SMOC2: variants seen among roughly 807,000 people sequenced by gnomAD.
The protein encoded by SMOC2 is SPARC related modular calcium binding 2.
Under a neutral mutation model 61.4 loss-of-function variants are expected in SMOC2, and 39 were observed. The ratio of observed to expected loss-of-function variants is 0.64; its 90% CI spans 0.49 to 0.83. The LOEUF (loss-of-function observed/expected upper bound fraction) is 0.83, where lower values mean the gene tolerates loss of function less well. Among genes scored for constraint, SMOC2 ranks in the 40% least tolerant of loss-of-function variants. The pLI is 0.00. For synonymous variants in SMOC2, 247 were observed against 239.9 expected, an observed-to-expected ratio of 1.03 and a Z score of -0.27; for missense variants, 556 against 592.9, an observed-to-expected ratio of 0.94 and a Z score of 0.65.
intron 9 of SMOC2, among the ~76,000 whole-genome samples, chr6:168,613,985 C>T (rs1210378899): frequency 1.3e-5 from 1 of 74,344 alleles, no homozygotes; most frequent in Non-Finnish European, 2.7e-5. Context: ...CTCTTCACAC[C>T]TACAGCCAGC....
At chr6:168,654,228 A>T (rs866210328) in intron 11 of SMOC2, among the ~76,000 whole-genome samples, 146 of 15,090 alleles carry the variant, frequency 9.7e-3, no homozygotes, top group Non-Finnish European at 0.024. Flanking sequence ...CCAACCCTGC[A>T]CCTGAGCTCC....
intron 2 of SMOC2, among the ~76,000 whole-genome samples, chr6:168,523,966 GA>G (rs1279553964): frequency 6.6e-6 from 1 of 152,176 alleles, no homozygotes; most frequent in East Asian, 1.9e-4. Flanking sequence ...TGGAAAGTTG[GA>G]AATAGTATAA....
intron 7 of SMOC2, among the ~76,000 whole-genome samples, chr6:168,581,768 G>A (rs1784924581): frequency 6.6e-6 from 1 of 152,162 alleles, no homozygotes; most frequent in Admixed American, 6.5e-5. Context: ...AGACCTGCCT[G>A]GGACCCCGCT....
intron 1 of SMOC2, among the ~76,000 whole-genome samples, chr6:168,473,859 G>A (rs1242755061): frequency 1.3e-5 from 2 of 152,138 alleles, no homozygotes; most frequent in African/African-American, 2.4e-5. Context: ...AAGGAGGGCA[G>A]GGGGCTGCTG....
At chr6:168,656,507 T>TAAAAAAAAAAAAAAAAAAA (rs5881805) in intron 11 of SMOC2, among the ~76,000 whole-genome samples, 1 of 86,810 alleles carries the variant, frequency 1.2e-5, no homozygotes, top group Non-Finnish European at 2.2e-5. Flanking sequence ...GACTTTGTGT[T>TAAAAAAAAAAAAAAAAAAA]AAAAAAAAAA....
At position 168,630,877 on chromosome 6, in the gene SMOC2, C is replaced by T. The variant is rs1404484363; in HGVS notation, c.908-19804C>T. 2.0e-5 allele frequency among the ~76,000 whole-genome samples: 3 copies of T among 152,160 alleles called. No homozygotes were observed. In the East Asian group the frequency reaches 5.8e-4, roughly 29 times the overall value. On this transcript the variant is annotated intron_variant, in intron 9 of 12. Transcript: ENST00000356284. ...CCAGGCTTATTAGGAAGAGGAAATT[C>T]CCACCTAATAAATTTTGATCAGACG... is the stretch of plus-strand genomic sequence containing the variant.
intron 7 of SMOC2, among the ~76,000 whole-genome samples, chr6:168,588,673 C>T (rs1420260334): frequency 2.0e-5 from 3 of 152,142 alleles, no homozygotes; most frequent in Non-Finnish European, 2.9e-5. Context: ...GAGACTTAAC[C>T]GTATTTATTC....
rs1787682156 is a variant in SMOC2 at position 168,667,182 on chromosome 6, GTCAC to G, written c.*745_*748del. On this transcript the variant is annotated 3_prime_UTR_variant, in exon 13 of 13. Coordinates refer to ENST00000356284, the MANE Select transcript of SMOC2 (RefSeq NM_001166412.2). ...GGCTGCCTAGGAGGCAGTAAATCCA[GTCAC>G]AGTGCCTGGGAGGGGCCCATCCTTC... The G allele has an allele frequency of 6.6e-6, 1 of 152,222 alleles. No individual in the cohort carries two copies. Among genetic ancestry groups the G allele is most frequent in the Admixed American group, 6.5e-5 (1 of 15,282 alleles). 9.4% of individuals were successfully genotyped at this position (152,222 alleles called of 1,614,324 possible).
Position 168,461,220 on chromosome 6 carries a change from C to T in SMOC2, c.84+19766C>T, listed in dbSNP as rs115775907. ...TTTAAATCCATCAGATCTTGTGAGA[C>T]GTATTCACTATCACCAGAACAGCAT... On this transcript the variant is annotated intron_variant, in intron 1 of 12. Coordinates refer to ENST00000356284, the MANE Select transcript of SMOC2 (RefSeq NM_001166412.2). 5.1e-3 allele frequency among the ~76,000 whole-genome samples: 771 copies of T among 152,248 alleles called. 9 individuals carry two copies. The highest frequency in any genetic ancestry group is 0.017 in the African/African-American group (713 of 41,542).
intron 7 of SMOC2, among the ~76,000 whole-genome samples, chr6:168,592,230 C>A (rs1048555254): frequency 6.6e-6 from 1 of 152,232 alleles, no homozygotes; most frequent in African/African-American, 2.4e-5. Context: ...ACTCAGTTCT[C>A]TTTTTCCTGC....
Position 168,553,985 on chromosome 6 carries a change from G to C in SMOC2, c.637+4782G>C, listed in dbSNP as rs1784187722. On this transcript the variant is annotated intron_variant, in intron 7 of 12. Coordinates refer to ENST00000356284, the MANE Select transcript of SMOC2 (RefSeq NM_001166412.2). The surrounding 1 kb of genome is among the most constrained non-coding windows in gnomAD (Gnocchi z 4.2). ...AGCGTTTTTCACGTTTTGGTAGGAA[G>C]ATTATTCCATGGGACGAGTCGGTTA... Among the ~76,000 whole-genome samples, 1 of 150,478 alleles carries C rather than the reference G, an allele frequency of 6.6e-6. No individual in the cohort carries two copies. The highest frequency in any genetic ancestry group is 1.5e-5 in the Non-Finnish European group (1 of 67,960).
At chr6:168,600,394 C>A (rs1372125133) in intron 8 of SMOC2, among the ~76,000 whole-genome samples, 5 of 111,024 alleles carry the variant, frequency 4.5e-5, no homozygotes, top group Non-Finnish European at 6.8e-5. Flanking sequence ...GTGACAAGAG[C>A]GAAACTCTGC....
rs1583042908 is a variant in SMOC2, at chr6:168,475,727, G to A, written c.85-34188G>A. ...CTGGTGTGGGTCGAGGACACTGCTC[G>A]GCGTTAGAAGAAGAAGTAGTGAAGG... On this transcript the variant is annotated intron_variant, in intron 1 of 12. Transcript: ENST00000356284. The surrounding 1 kb of genome is among the most constrained non-coding windows in gnomAD (Gnocchi z 4.6). Among the ~76,000 whole-genome samples the A allele has an allele frequency of 1.3e-5, 2 of 151,942 alleles. No homozygotes were observed.
intron 9 of SMOC2, among the ~76,000 whole-genome samples, chr6:168,649,783 A>C (rs1787145894): frequency 6.6e-6 from 1 of 152,202 alleles, no homozygotes; most frequent in Non-Finnish European, 1.5e-5. Flanking sequence ...TCTCTATGCC[A>C]AAAGGGCATC....
chr6:168,604,097 C>T (rs182030529), intron 8 of SMOC2, among the ~76,000 whole-genome samples: 145 of 152,370 alleles, frequency 9.5e-4, no homozygotes, highest in African/African-American at 3.4e-3. Context: ...CAAAGCCGCC[C>T]TGACACCCTC....
chr6:168,618,058 AT>A (rs1786140908), intron 9 of SMOC2, among the ~76,000 whole-genome samples: 1 of 152,190 alleles, frequency 6.6e-6, no homozygotes, highest in Non-Finnish European at 1.5e-5. Flanking sequence ...AAGAAAACGG[AT>A]CTGTCCTATG....
At chr6:168,626,088 G>A (rs1786401768) in intron 9 of SMOC2, among the ~76,000 whole-genome samples, 1 of 152,178 alleles carries the variant, frequency 6.6e-6, no homozygotes, top group East Asian at 1.9e-4. Context: ...TATTCAAGTA[G>A]CCCCCACGTG....
intron 7 of SMOC2, among the ~76,000 whole-genome samples, chr6:168,590,561 T>A (rs1785156250): frequency 6.6e-6 from 1 of 151,594 alleles, no homozygotes; most frequent in African/African-American, 2.4e-5. Context: ...ACTCTCCAAA[T>A]GTTGATGCAA....
intron 9 of SMOC2, among the ~76,000 whole-genome samples, chr6:168,649,234 G>A (rs6902348): frequency 0.065 from 9,923 of 152,284 alleles, 415 homozygotes; most frequent in African/African-American, 0.11. Context: ...TCCCTTTGGC[G>A]GGGCCGTCTA....
Sources: gnomAD v4.1 joint callset for allele counts (sites outside exome capture counted in the v4.1 genomes callset) on GRCh38, gnomAD v4.1.1 for gene constraint, Gnocchi (gnomAD v3.1) non-coding constraint, MANE v1.5 for transcripts, NCBI Gene and HGNC (gene_info 2026-07-23, HGNC 2026-07-21) for gene names.